The following RBX1 variants were observed in gnomAD, a reference collection of about 807,000 sequenced individuals.
RBX1 encodes ring-box 1.
For synonymous variants in RBX1, 48 were observed against 47.9 expected (o/e 1.00, Z -0.01); for missense variants, 46 against 141.4 (o/e 0.33, Z 3.42).
intron 3 of RBX1, chr22:40,967,152 C>T (rs932743622): frequency 5.9e-5 from 9 of 152,186 alleles, no homozygotes; most frequent in Middle Eastern, 3.2e-3. Flanking sequence ...TCTTTTATCT[C>T]ATTCCCTAAG....
chr22:40,960,268 G>A (rs998085685), intron 2 of RBX1, among the ~76,000 whole-genome samples: 3 of 152,102 alleles, frequency 2.0e-5, no homozygotes, highest in African/African-American at 7.2e-5. Flanking sequence ...GGGGAAGGAG[G>A]GAGGTCAGGT....
chr22:40,953,838 C>T (rs1467776390), intron 2 of RBX1, among the ~76,000 whole-genome samples: 5 of 152,004 alleles, frequency 3.3e-5, no homozygotes, highest in Non-Finnish European at 7.4e-5. Context: ...CAGAATAAAT[C>T]TACTCAATCT....
Position 40,964,100 on chromosome 22 carries a change from G to A in RBX1, c.211G>A (p.Ala71Thr). Residue 71 changes from alanine (A) to threonine (T), a missense_variant, in exon 3 of 5, where the codon GCA (alanine) becomes ACA (threonine). By Grantham distance (58) the Ala-to-Thr change is moderately conservative (BLOSUM62 0). Coordinates refer to ENST00000216225, the MANE Select transcript of RBX1 (RefSeq NM_014248.4). Reference sequence around the variant, plus strand: ...CGCTACTTCAGAAGAGTGTACTGTCGCATGGGGAGTCTGTAACGTAAGGAA... The same window carrying A: ...CGCTACTTCAGAAGAGTGTACTGTCACATGGGGAGTCTGTAACGTAAGGAA... ...ASATSEECTV[A>T]WGVCNHAFHF... The A allele has an allele frequency of 6.2e-7, 1 of 1,613,520 alleles. No individual in the cohort carries two copies. The highest frequency in any genetic ancestry group is 8.5e-7 in the Non-Finnish European group (1 of 1,179,470).
chr22:40,964,182 AG>A, intron 3 of RBX1, 65 bp downstream of exon 3: 2 of 1,279,052 alleles, frequency 1.6e-6, no homozygotes, highest in Non-Finnish European at 2.3e-6. Context: ...CTGCTTTGCT[AG>A]TCTTGAAAAT....
At chr22:40,962,379 C>T (rs1175034821) in intron 2 of RBX1, among the ~76,000 whole-genome samples, 2 of 151,978 alleles carry the variant, frequency 1.3e-5, no homozygotes, top group South Asian at 2.1e-4. Flanking sequence ...CCAACATGCC[C>T]GGCCCACTTT....
At chr22:40,972,320 C>T (rs541851322) in intron 4 of RBX1, among the ~76,000 whole-genome samples, 156 bp from the exon 5 acceptor site, 3 of 152,302 alleles carry the variant, frequency 2.0e-5, no homozygotes, top group African/African-American at 7.2e-5. Context: ...GGAATCACAG[C>T]GACAGCCAAG....
intron 2 of RBX1, among the ~76,000 whole-genome samples, chr22:40,962,599 A>C (rs188011465): frequency 1.4e-4 from 21 of 150,482 alleles, no homozygotes; most frequent in African/African-American, 4.9e-4. Flanking sequence ...GGATTCAAGC[A>C]ATTCTTCTGC....
intron 2 of RBX1, among the ~76,000 whole-genome samples, chr22:40,955,835 A>C (rs1335017019): frequency 6.6e-6 from 1 of 152,194 alleles, no homozygotes; most frequent in Admixed American, 6.6e-5. Flanking sequence ...TTCACACTAC[A>C]GCCAAGGAAG....
chr22:40,951,748 G>A (rs375164667), intron 1 of RBX1, among the ~76,000 whole-genome samples: 2 of 138,812 alleles, frequency 1.4e-5, no homozygotes, highest in African/African-American at 2.6e-5. Context: ...GGCGGCGGGA[G>A]CCAAGCGCTT....
chr22:40,955,374 T>C (rs2058322687), intron 2 of RBX1, among the ~76,000 whole-genome samples: 1 of 152,102 alleles, frequency 6.6e-6, no homozygotes, highest in Non-Finnish European at 1.5e-5. Flanking sequence ...GTTGCGATTA[T>C]AGGCGTGAGC....
chr22:40,964,465 A>G (rs1443630840), intron 3 of RBX1: 1 of 209,664 alleles, frequency 4.8e-6, no homozygotes. Flanking sequence ...TTTTTTAAAG[A>G]CCAGGTGTCT....
chr22:40,960,119 AAAAG>A (rs2058335965), intron 2 of RBX1, among the ~76,000 whole-genome samples: 1 of 152,128 alleles, frequency 6.6e-6, no homozygotes, highest in African/African-American at 2.4e-5. Context: ...GTCTAAAAAA[AAAAG>A]AATGAATCTG....
At chr22:40,968,652 G>A (rs548585322) in intron 4 of RBX1, among the ~76,000 whole-genome samples, 1 of 152,186 alleles carries the variant, frequency 6.6e-6, no homozygotes, top group East Asian at 1.9e-4. Flanking sequence ...AAATTTAAAT[G>A]GTTGAAAGGG....
intron 4 of RBX1, among the ~76,000 whole-genome samples, chr22:40,969,377 A>G (rs2058362434): frequency 6.6e-6 from 1 of 152,190 alleles, no homozygotes; most frequent in South Asian, 2.1e-4. Flanking sequence ...ATGTGAAGGG[A>G]GAAACATCCT....
intron 2 of RBX1, among the ~76,000 whole-genome samples, chr22:40,957,673 T>C (rs1385665295): frequency 6.6e-6 from 1 of 152,140 alleles, no homozygotes; most frequent in Non-Finnish European, 1.5e-5. Context: ...TATTTTTATG[T>C]ATTTTTTTGT....
chr22:40,965,038 C>T (rs2078191926), intron 3 of RBX1, among the ~76,000 whole-genome samples: 1 of 152,240 alleles, frequency 6.6e-6, no homozygotes, highest in South Asian at 2.1e-4. Context: ...GACGCGGTGG[C>T]TCACGCCTGT....
intron 2 of RBX1, among the ~76,000 whole-genome samples, chr22:40,961,477 G>A (rs1378326995): frequency 2.6e-5 from 4 of 151,748 alleles, no homozygotes; most frequent in African/African-American, 7.3e-5. Context: ...GCAGTGGTGC[G>A]ATCTTGGCTC....
chr22:40,968,291 A>G (rs1483388876), intron 4 of RBX1, among the ~76,000 whole-genome samples: 1 of 151,982 alleles, frequency 6.6e-6, no homozygotes, highest in Non-Finnish European at 1.5e-5. Flanking sequence ...GGGTTTCACC[A>G]TGTTGGCCAG....
intron 3 of RBX1, among the ~76,000 whole-genome samples, chr22:40,965,971 T>C (rs2058353385): frequency 6.6e-6 from 1 of 152,186 alleles, no homozygotes; most frequent in Non-Finnish European, 1.5e-5. Context: ...GGAGAGATTC[T>C]CTGAGAGAGC....
Sources: allele counts gnomAD v4.1 joint callset (sites outside exome capture counted in the v4.1 genomes callset), GRCh38; gene constraint gnomAD v4.1.1; transcripts MANE v1.5; gene names NCBI Gene and HGNC (gene_info 2026-07-23, HGNC 2026-07-21).